SECISBP2: variants seen among roughly 807,000 people sequenced by gnomAD.
SECISBP2 encodes the protein selenocysteine insertion sequence-binding protein 2.
SECISBP2 carries 96 observed loss-of-function variants against 98.2 expected under a neutral mutation model. The observed-to-expected ratio is 0.98, with a 90% CI of 0.83 to 1.16. The LOEUF is 1.16. SECISBP2 is among the 50% of genes most tolerant of loss of function. The pLI, the probability that SECISBP2 is intolerant of heterozygous loss-of-function variation, is 0.00. For synonymous variants in SECISBP2, 407 were observed against 370.2 expected, an observed-to-expected ratio of 1.10 and a Z score of -1.14; for missense variants, 1,046 against 1,022.9, an observed-to-expected ratio of 1.02 and a Z score of -0.31.
chr9:89,333,053 C>T (rs1048170490), intron 6 of SECISBP2, 67 bp downstream of exon 6: 1 of 1,319,356 alleles, frequency 7.6e-7, no homozygotes, highest in Admixed American at 1.7e-5. Flanking sequence ...TTTTTAACTC[C>T]AGTGCAGTTG....
intron 4 of SECISBP2, among the ~76,000 whole-genome samples, chr9:89,327,125 C>T (rs919268646): frequency 1.3e-5 from 2 of 151,574 alleles, no homozygotes; most frequent in African/African-American, 4.8e-5. Context: ...TCAAGCGTCC[C>T]TGCACTCCAG....
downstream of SECISBP2, chr9:89,362,526 C>T: frequency 6.2e-7 from 1 of 1,600,822 alleles, no homozygotes; most frequent in Non-Finnish European, 8.6e-7. Flanking sequence ...AGGCAGAGCA[C>T]TCAAGGCCTC....
downstream of SECISBP2, among the ~76,000 whole-genome samples, chr9:89,360,128 T>TGTGA (rs1564467802): frequency 6.6e-6 from 1 of 152,142 alleles, no homozygotes; most frequent in Non-Finnish European, 1.5e-5. Context: ...CAGTGACCAG[T>TGTGA]GTGAGCCTTG....
At position 89,334,729 on chromosome 9, in the gene SECISBP2, A is replaced by AG; in HGVS notation, c.1089+1dup. The AG allele has an allele frequency of 6.2e-7, 1 of 1,610,486 alleles. No individual in the cohort carries two copies. Among genetic ancestry groups the AG allele is most frequent in the East Asian group, 2.2e-5 (1 of 44,852 alleles). On this transcript the variant is annotated frameshift_variant and splice_region_variant, in exon 7 of 17. Coordinates refer to ENST00000375807, the MANE Select transcript of SECISBP2 (RefSeq NM_024077.5). LOFTEE classifies it high-confidence loss of function. ...AAACACATTATTCATCCTACCCAAA[A>AG]GGTACGTGTCACTAGAGACAGAAAG...
chr9:89,365,210 G>A, the SECISBP2 span: 1 of 152,558 alleles, frequency 6.6e-6, no homozygotes, highest in South Asian at 2.1e-4. Context: ...AGTTGAGCTG[G>A]GAGGGCCAGG....
rs1564299263 is a variant in SECISBP2, at chr9:89,319,715, TGG to T, written c.101_102del (p.Trp34PhefsTer33). The stretch of plus-strand genomic sequence containing the variant: ...CAGATTTGCCGGGCTCAATGTGGCA[TGG>T]TTAGAGTCCTCAGAAGCATGTGTCT... Reference protein sequence around the residue: ...VPRFAGLNVAWLESSEACVFP... With the variant: ...VPRFAGLNVAXLESSEACVFP... On this transcript the variant is annotated frameshift_variant, in exon 2 of 17. Transcript: ENST00000375807. LOFTEE classifies it high-confidence loss of function. The T allele has an allele frequency of 6.2e-7, 1 of 1,614,188 alleles. No individual in the cohort carries two copies. The highest frequency in any genetic ancestry group is 8.5e-7 in the Non-Finnish European group (1 of 1,180,008).
chr9:89,348,264 T>C (rs1028774445), intron 12 of SECISBP2, 50 bp downstream of exon 12: 1 of 1,605,274 alleles, frequency 6.2e-7, no homozygotes, highest in Admixed American at 1.7e-5. Flanking sequence ...AGAGCAACTA[T>C]GAAAAGGATG....
downstream of SECISBP2, among the ~76,000 whole-genome samples, chr9:89,360,235 T>TATC (rs1832660759): frequency 6.6e-6 from 1 of 152,174 alleles, no homozygotes; most frequent in African/African-American, 2.4e-5. Flanking sequence ...TCCACCCATT[T>TATC]ATCTTTCAGG....
In SECISBP2 at chr9:89,325,594, G is replaced by A; in HGVS notation, c.350G>A (p.Ser117Asn). The change falls in exon 3 of 17, where the codon AGT becomes AAT. Residue 117 changes from serine (S) to asparagine (N), a missense_variant. Coordinates refer to ENST00000375807, the MANE Select transcript of SECISBP2 (RefSeq NM_024077.5). ...TCCCAGTATCTTTATAACCAACCCA[G>A]TTGTTACCGAGGTTTTCAAACAGTG... ...PGSQYLYNQPSCYRGFQTVKH... is the reference protein window; with the variant it reads ...PGSQYLYNQPNCYRGFQTVKH... The A allele has an allele frequency of 1.2e-6, 2 of 1,614,100 alleles. No individual in the cohort carries two copies. Among genetic ancestry groups the A allele is most frequent in the Non-Finnish European group, 1.7e-6 (2 of 1,180,012 alleles).
chr9:89,362,969 T>A (rs1832939057), downstream of SECISBP2, among the ~76,000 whole-genome samples: 1 of 152,138 alleles, frequency 6.6e-6, no homozygotes, highest in Non-Finnish European at 1.5e-5. Context: ...GTAGCCCAGT[T>A]CCTGCCAGGG....
chr9:89,363,489 C>CA, downstream of SECISBP2: 5 of 1,614,112 alleles, frequency 3.1e-6, no homozygotes, highest in Non-Finnish European at 4.2e-6. Flanking sequence ...GCCCTCCAGG[C>CA]AGAGAGCTCT....
Position 89,358,825 on chromosome 9 carries a change from G to C in SECISBP2, c.*1G>C, listed in dbSNP as rs1446214432. 3 of 1,599,908 alleles carry C rather than the reference G, an allele frequency of 1.9e-6. No homozygotes were observed. Among genetic ancestry groups the C allele is most frequent in the African/African-American group, 1.3e-5 (1 of 74,662 alleles). On this transcript the variant is annotated 3_prime_UTR_variant, in exon 17 of 17. Coordinates refer to ENST00000375807, the MANE Select transcript of SECISBP2 (RefSeq NM_024077.5). ...TCAAATGATGAATTTGAATTTATGA[G>C]AGTTCTTGCCTGTGTGTCTGTATTT...
At chr9:89,358,338 A>T (rs1052320856) in intron 16 of SECISBP2, 147 bp downstream of exon 16, 1 of 823,766 alleles carries the variant, frequency 1.2e-6, no homozygotes, top group African/African-American at 1.7e-5. Flanking sequence ...CCTAAGAGGT[A>T]TTATCAGACT....
chr9:89,328,867 C>G lies in SECISBP2; in HGVS notation c.782C>G (p.Pro261Arg). The G allele has an allele frequency of 6.2e-7, 1 of 1,613,902 alleles. No individual in the cohort carries two copies. Among genetic ancestry groups the G allele is most frequent in the Non-Finnish European group, 8.5e-7 (1 of 1,179,778 alleles). ...DISLLREVVK[P>R]AAVLSKGEIV... ...TCTCTTCTAAGAGAAGTAGTAAAACCAGCTGCAGTGTTATCAAAGGTGAGG... is the reference window on the plus strand; with the variant it reads ...TCTCTTCTAAGAGAAGTAGTAAAACGAGCTGCAGTGTTATCAAAGGTGAGG... The change falls in exon 5 of 17, where the codon CCA (proline) becomes CGA (arginine). Residue 261 changes from proline to arginine, a missense_variant. By Grantham distance (103) the Pro-to-Arg change is moderately radical. Coordinates refer to ENST00000375807, the MANE Select transcript of SECISBP2 (RefSeq NM_024077.5).
chr9:89,351,680 T>C (rs1831301408), intron 14 of SECISBP2, among the ~76,000 whole-genome samples: 1 of 152,208 alleles, frequency 6.6e-6, no homozygotes. Flanking sequence ...ATTTCATATC[T>C]AAAGCCTGGA....
chr9:89,341,591 T>C, intron 10 of SECISBP2, 112 bp downstream of exon 10: 2 of 1,295,932 alleles, frequency 1.5e-6, no homozygotes, highest in African/African-American at 2.9e-5. Flanking sequence ...AACAGTGTGA[T>C]GCTAGAATAA....
intron 5 of SECISBP2, 102 bp from the exon 6 acceptor site, chr9:89,332,806 A>G (rs1182453360): frequency 1.1e-6 from 1 of 920,360 alleles, no homozygotes; most frequent in East Asian, 2.5e-5. Flanking sequence ...AGCAATGGAT[A>G]AGGATTTCTG....
intron 10 of SECISBP2, among the ~76,000 whole-genome samples, chr9:89,343,350 T>C (rs1280492322): frequency 6.6e-6 from 1 of 152,240 alleles, no homozygotes; most frequent in Non-Finnish European, 1.5e-5. Context: ...ATCTTCTTTT[T>C]TTTAAACTTT....
At chr9:89,336,167 C>T (rs1298522804) in intron 7 of SECISBP2, among the ~76,000 whole-genome samples, 1 of 128,268 alleles carries the variant, frequency 7.8e-6, no homozygotes, top group Non-Finnish European at 1.6e-5. Flanking sequence ...TTTCTAGCAA[C>T]TGGGACTACA....
Sources: allele counts gnomAD v4.1 joint callset (sites outside exome capture counted in the v4.1 genomes callset), GRCh38; gene constraint gnomAD v4.1.1; transcripts MANE v1.5; gene names NCBI Gene and HGNC (gene_info 2026-07-23, HGNC 2026-07-21).